ITIH5: variants seen among roughly 807,000 people sequenced by gnomAD.
ITIH5 encodes the protein inter-alpha-trypsin inhibitor heavy chain H5.
In ITIH5, 65 loss-of-function variants were observed where a neutral mutation model predicts 77.5. That is an observed-to-expected ratio of 0.84 (90% CI 0.69 to 1.03). The LOEUF is 1.03. Ranked by LOEUF, ITIH5 falls within the 50% of genes least tolerant of loss-of-function variation. The pLI is 0.00. For synonymous variants in ITIH5, 525 were observed against 494.3 expected (o/e 1.06, Z -0.82); for missense variants, 1,208 against 1,213.1 (o/e 1.00, Z 0.06).
chr10:7,597,407 CACA>C (rs1442414002), intron 7 of ITIH5, among the ~76,000 whole-genome samples: 3 of 152,188 alleles, frequency 2.0e-5, no homozygotes, highest in Admixed American at 6.5e-5. Flanking sequence ...CTTCAAAGTT[CACA>C]ACAACAGATT....
intron 2 of ITIH5, among the ~76,000 whole-genome samples, chr10:7,652,646 T>A (rs1235587847): frequency 6.6e-6 from 1 of 152,208 alleles, no homozygotes; most frequent in African/African-American, 2.4e-5. Context: ...AAAATCTTTG[T>A]ACCCTTAGAG....
intron 8 of ITIH5, 84 bp from the exon 9 acceptor site, chr10:7,580,148 T>A (rs11255202): frequency 0.2 from 231,516 of 1,170,066 alleles, 25,551 homozygotes; most frequent in Non-Finnish European, 0.23. Flanking sequence ...TGAGACGGAG[T>A]CTTGCTCTGT....
chr10:7,655,766 C>T (rs1834172624), intron 1 of ITIH5, 91 bp from the exon 2 acceptor site: 2 of 991,968 alleles, frequency 2.0e-6, no homozygotes, highest in Admixed American at 1.8e-5. Context: ...ATGAGTTATA[C>T]AAGGGGGTTA....
In ITIH5 at chr10:7,564,486, T is replaced by C. The variant is rs560263484; in HGVS notation, c.2528-1102A>G. Among the ~76,000 whole-genome samples the C allele has an allele frequency of 6.6e-5, 10 of 152,290 alleles. No individual in the cohort carries two copies. In the East Asian group the frequency reaches 1.5e-3, roughly 23 times the overall value. On this transcript the variant is annotated intron_variant, in intron 13 of 13. Coordinates refer to ENST00000397146, the MANE Select transcript of ITIH5 (RefSeq NM_030569.7). ...TTTTCTATGTCTAGATATGTTTAGA[T>C]GAACAAATACTTATCATCGTGTTGC...
intron 5 of ITIH5, among the ~76,000 whole-genome samples, chr10:7,622,949 A>G (rs1833497568): frequency 6.6e-6 from 1 of 152,252 alleles, no homozygotes; most frequent in Non-Finnish European, 1.5e-5. Flanking sequence ...AGTACTTTAT[A>G]GCTTGTGCAT....
intron 5 of ITIH5, chr10:7,620,087 C>T (rs1468332944): frequency 6.6e-6 from 1 of 151,994 alleles, no homozygotes; most frequent in South Asian, 2.1e-4. Flanking sequence ...AGGAGAATAT[C>T]GCTTGAACCA....
chr10:7,607,829 A>G (rs1462233208), intron 7 of ITIH5, among the ~76,000 whole-genome samples: 1 of 152,256 alleles, frequency 6.6e-6, no homozygotes, highest in African/African-American at 2.4e-5. Context: ...GAAGAAAAAA[A>G]AAATCTTGTC....
chr10:7,622,446 A>T (rs898444206), intron 5 of ITIH5: 1 of 152,208 alleles, frequency 6.6e-6, no homozygotes, highest in African/African-American at 2.4e-5. Flanking sequence ...GGCAGACAGT[A>T]GGTGCTCAAT....
chr10:7,609,398 A>G (rs1360029163), intron 7 of ITIH5: 3 of 455,128 alleles, frequency 6.6e-6, no homozygotes, highest in Non-Finnish European at 1.3e-5. Flanking sequence ...CCCCAAGTCC[A>G]TGGAGCTTAC....
At chr10:7,595,816 G>T (rs1368535909) in intron 7 of ITIH5, among the ~76,000 whole-genome samples, 5 of 152,064 alleles carry the variant, frequency 3.3e-5, no homozygotes, top group African/African-American at 9.7e-5. Flanking sequence ...AGGCTATCCG[G>T]GCTAACATGG....
At chr10:7,633,632 G>C (rs757971083) in intron 5 of ITIH5, among the ~76,000 whole-genome samples, 3 of 151,792 alleles carry the variant, frequency 2.0e-5, no homozygotes, top group Non-Finnish European at 4.4e-5. Context: ...GTTTTAGTAA[G>C]TAAGGTTTCT....
At chr10:7,616,652 AC>A (rs1303975028) in intron 6 of ITIH5, among the ~76,000 whole-genome samples, 2 of 152,054 alleles carry the variant, frequency 1.3e-5, no homozygotes, top group Non-Finnish European at 2.9e-5. Flanking sequence ...CCATGGCAAA[AC>A]CCCATCTCTA....
At chr10:7,604,081 C>T (rs1045764381) in intron 7 of ITIH5, among the ~76,000 whole-genome samples, 14 of 152,132 alleles carry the variant, frequency 9.2e-5, no homozygotes, top group African/African-American at 2.9e-4. Flanking sequence ...GTCCAGAAGC[C>T]CTTGATGGGT....
chr10:7,571,315 A>G (rs1317064571), intron 11 of ITIH5: 1 of 152,212 alleles, frequency 6.6e-6, no homozygotes, highest in Non-Finnish European at 1.5e-5. Context: ...CCCCGCGGAT[A>G]CTAAAATCCA....
chr10:7,596,607 G>A (rs1832903203), intron 7 of ITIH5, among the ~76,000 whole-genome samples: 1 of 152,172 alleles, frequency 6.6e-6, no homozygotes, highest in African/African-American at 2.4e-5. Flanking sequence ...CCTGCACAAT[G>A]ATCACGCTGT....
intron 5 of ITIH5, among the ~76,000 whole-genome samples, chr10:7,623,730 G>A (rs1265056774): frequency 6.7e-6 from 1 of 148,790 alleles, no homozygotes; most frequent in Non-Finnish European, 1.5e-5. Context: ...GTGAACCCAG[G>A]AGGTGGAGCT....
At chr10:7,634,259 T>C (rs1353862224) in intron 5 of ITIH5, among the ~76,000 whole-genome samples, 1 of 152,198 alleles carries the variant, frequency 6.6e-6, no homozygotes, top group Admixed American at 6.5e-5. Context: ...GCAAGCCCAA[T>C]TCCAGTTTGA....
chr10:7,662,721 G>T (rs1202165939), intron 1 of ITIH5, among the ~76,000 whole-genome samples: 1 of 152,094 alleles, frequency 6.6e-6, no homozygotes, highest in African/African-American at 2.4e-5. Context: ...GGCTGCTTTG[G>T]GAGTGACCAA....
In ITIH5 at chr10:7,606,558, C is replaced by A. The variant is rs181734928; in HGVS notation, c.939+9424G>T. Reference sequence around the variant, plus strand: ...ATAAGTGGGAGCTAAACATTGAGTACACATGGACACGAAGAAGTGAACAGA... The same window carrying A: ...ATAAGTGGGAGCTAAACATTGAGTAAACATGGACACGAAGAAGTGAACAGA... On this transcript the variant is annotated intron_variant, in intron 7 of 13. Coordinates refer to ENST00000397146, the MANE Select transcript of ITIH5 (RefSeq NM_030569.7). 2.6e-5 allele frequency among the ~76,000 whole-genome samples: 4 copies of A among 152,250 alleles called. No homozygotes were observed. In the East Asian group the frequency reaches 7.7e-4, roughly 29 times the overall value.
Sources: allele counts gnomAD v4.1 joint callset (sites outside exome capture counted in the v4.1 genomes callset), GRCh38; gene constraint gnomAD v4.1.1; transcripts MANE v1.5; gene names NCBI Gene and HGNC (gene_info 2026-07-23, HGNC 2026-07-21).